Variants in DAB1 observed in about 807,000 individuals in gnomAD.
DAB1 encodes DAB adaptor protein 1.
Under a neutral mutation model 64.6 loss-of-function variants are expected in DAB1, and 15 were observed. The ratio of observed to expected loss-of-function variants is 0.23; its 90% CI spans 0.16 to 0.36. The LOEUF (loss-of-function observed/expected upper bound fraction) is 0.36, where lower values mean the gene tolerates loss of function less well. Ranked by LOEUF, DAB1 falls within the 10% of genes least tolerant of loss-of-function variation. The pLI is 1.00. For missense variants in DAB1, 596 were observed against 706.7 expected (o/e 0.84, Z 1.78); for synonymous variants, 235 against 251.9 (o/e 0.93, Z 0.64).
intron 3 of DAB1, among the ~76,000 whole-genome samples, chr1:58,406,699 G>A (rs999304854): frequency 6.4e-5 from 7 of 109,286 alleles, no homozygotes; most frequent in South Asian, 2.8e-4. Context: ...AGAAAAGAAC[G>A]ATAATATCAT....
chr1:58,334,690 T>C lies in DAB1; in HGVS notation n.309+8662A>G, dbSNP rs1161745004. 5.4e-5 allele frequency among the ~76,000 whole-genome samples: 8 copies of C among 149,526 alleles called. No homozygotes were observed. In the East Asian group the frequency reaches 1.6e-3, roughly 29 times the overall value. On this transcript the variant is annotated intron_variant and non_coding_transcript_variant, in intron 4 of 20. Coordinates refer to the DAB1 transcript ENST00000485760. ...TTATATTGTATTATATAGACTTTGA[T>C]AACCTCCTGTGGCTTGGATTTATCA...
At chr1:58,289,498 A>ATG (rs1319431774) in intron 4 of DAB1, among the ~76,000 whole-genome samples, 2 of 152,216 alleles carry the variant, frequency 1.3e-5, no homozygotes. Flanking sequence ...ATGATTTTAA[A>ATG]GTTTGAGGGA....
At chr1:58,332,082 C>T (rs888093748) in intron 4 of DAB1, among the ~76,000 whole-genome samples, 2 of 152,176 alleles carry the variant, frequency 1.3e-5, no homozygotes, top group Non-Finnish European at 2.9e-5. Flanking sequence ...CTGACTCCTG[C>T]ATCACCCTTC....
At chr1:58,473,545 A>AAAAT (rs56211911) in intron 3 of DAB1, among the ~76,000 whole-genome samples, 40,142 of 122,096 alleles carry the variant, frequency 0.33, 5,826 homozygotes, top group Middle Eastern at 0.38. Context: ...CCGTCTCAAA[A>AAAAT]AAATAAATAA....
chr1:57,039,157 C>T (rs1341245227), intron 9 of DAB1, among the ~76,000 whole-genome samples: 1 of 152,214 alleles, frequency 6.6e-6, no homozygotes, highest in Admixed American at 6.5e-5. Context: ...TGCTCCATCA[C>T]TGGCATTTCC....
intron 5 of DAB1, among the ~76,000 whole-genome samples, chr1:57,989,381 G>A (rs1366112255): frequency 1.3e-5 from 2 of 152,110 alleles, no homozygotes; most frequent in African/African-American, 4.8e-5. Flanking sequence ...TCAAATGAGT[G>A]GGGATGATTA....
chr1:57,881,760 A>G (rs1644147276), intron 1 of DAB1, among the ~76,000 whole-genome samples: 1 of 152,142 alleles, frequency 6.6e-6, no homozygotes, highest in Non-Finnish European at 1.5e-5. Flanking sequence ...GATGTCAGGG[A>G]AAGATTTAAC....
At chr1:57,270,307 G>C (rs186206086) in intron 2 of DAB1, among the ~76,000 whole-genome samples, 45 of 152,348 alleles carry the variant, frequency 3.0e-4, no homozygotes, top group African/African-American at 1.1e-3. Flanking sequence ...CTGTGGAACA[G>C]ACAGTAGTAT....
intron 2 of DAB1, among the ~76,000 whole-genome samples, chr1:57,212,881 C>T (rs190366686): frequency 2.0e-5 from 3 of 152,158 alleles, no homozygotes; most frequent in African/African-American, 7.2e-5. Context: ...GTCTCAGAAC[C>T]CTTCTGCCAT....
intron 1 of DAB1, among the ~76,000 whole-genome samples, chr1:57,877,101 C>T (rs888789035): frequency 5.3e-5 from 8 of 152,066 alleles, no homozygotes; most frequent in Non-Finnish European, 1.0e-4. Flanking sequence ...AATATGATTA[C>T]ATTTAGTGTC....
chr1:57,393,767 A>G (rs1363051603), intron 1 of DAB1, among the ~76,000 whole-genome samples: 1 of 152,118 alleles, frequency 6.6e-6, no homozygotes, highest in Non-Finnish European at 1.5e-5. Context: ...ATTGGAACAC[A>G]CTCACTTGTG....
chr1:58,037,851 T>C (rs1647069427), intron 5 of DAB1, among the ~76,000 whole-genome samples: 1 of 152,150 alleles, frequency 6.6e-6, no homozygotes, highest in Non-Finnish European at 1.5e-5. Flanking sequence ...ATCAGGTTCA[T>C]ATCAGTCTCA....
chr1:58,286,899 C>A (rs1332002593), intron 4 of DAB1, among the ~76,000 whole-genome samples: 1 of 152,108 alleles, frequency 6.6e-6, no homozygotes, highest in African/African-American at 2.4e-5. Context: ...ATCACAATAG[C>A]AAAGACATGG....
intron 6 of DAB1, among the ~76,000 whole-genome samples, chr1:57,671,400 T>A (rs1044884023): frequency 2.6e-5 from 4 of 152,118 alleles, no homozygotes; most frequent in Non-Finnish European, 5.9e-5. Flanking sequence ...GCAGGCCATT[T>A]GTCGATTCCC....
chr1:57,468,512 C>A (rs1687030818), intron 7 of DAB1, among the ~76,000 whole-genome samples: 1 of 152,114 alleles, frequency 6.6e-6, no homozygotes, highest in African/African-American at 2.4e-5. Context: ...AAGATCTGAT[C>A]TATAATTTGG....
intron 2 of DAB1, among the ~76,000 whole-genome samples, chr1:57,165,983 G>C (rs1473150971): frequency 6.6e-6 from 1 of 152,206 alleles, no homozygotes; most frequent in African/African-American, 2.4e-5. Context: ...GAATCAGGCA[G>C]CATTTCAGTG....
At chr1:57,946,428 A>C (rs575687183) in intron 5 of DAB1, among the ~76,000 whole-genome samples, 1 of 152,276 alleles carries the variant, frequency 6.6e-6, no homozygotes. Flanking sequence ...AAAAATATAA[A>C]TTGTGCTGCC....
At chr1:57,432,117 G>GA (rs113942764) in intron 7 of DAB1, among the ~76,000 whole-genome samples, 22,194 of 116,694 alleles carry the variant, frequency 0.19, 1,838 homozygotes, top group African/African-American at 0.24. Context: ...GCAAGACTCT[G>GA]AAAAAAAAAA....
intron 6 of DAB1, among the ~76,000 whole-genome samples, chr1:57,728,561 T>C (rs900144758): frequency 2.6e-5 from 4 of 151,482 alleles, no homozygotes; most frequent in African/African-American, 9.7e-5. Flanking sequence ...GTCACCGTAC[T>C]CCAGCCTGGG....
Sources: allele counts gnomAD v4.1 joint callset (sites outside exome capture counted in the v4.1 genomes callset), GRCh38; gene constraint gnomAD v4.1.1; transcripts MANE v1.5; gene names NCBI Gene and HGNC (gene_info 2026-07-23, HGNC 2026-07-21).